Variants in OSGIN1 observed in about 807,000 individuals in gnomAD.
The protein encoded by OSGIN1 is oxidative stress induced growth inhibitor 1, also known as oxidative stress-induced growth inhibitor 1.
OSGIN1 carries 19 observed loss-of-function variants against 20.1 expected under a neutral mutation model. The ratio of observed to expected loss-of-function variants is 0.95; its 90% CI spans 0.66 to 1.39. The LOEUF (loss-of-function observed/expected upper bound fraction) is 1.39. Ranked by LOEUF, OSGIN1 falls within the 40% of genes most tolerant of loss-of-function variation. OSGIN1 has a pLI of 0.00. For synonymous variants in OSGIN1, 368 were observed against 297.8 expected (o/e 1.24, Z -2.43); for missense variants, 820 against 653.0 (o/e 1.26, Z -2.79).
intron 1 of OSGIN1, among the ~76,000 whole-genome samples, chr16:83,955,150 G>C (rs1908865602): frequency 6.6e-6 from 1 of 152,202 alleles, no homozygotes; most frequent in Non-Finnish European, 1.5e-5. Flanking sequence ...CCCAGTGGCT[G>C]CTGTTCCCGG....
chr16:83,962,830 C>T (rs918471185), intron 5 of OSGIN1, among the ~76,000 whole-genome samples: 4 of 152,210 alleles, frequency 2.6e-5, no homozygotes, highest in Non-Finnish European at 5.9e-5. Context: ...GTGCATTTAT[C>T]TCAGTGGGCA....
In OSGIN1 at chr16:83,965,362, C is replaced by A; in HGVS notation, c.789C>A (p.Pro263=). Residue 263 remains proline, a synonymous_variant, in exon 6 of 6, where the codon CCC becomes CCA. Coordinates refer to ENST00000393306, the MANE Select transcript of OSGIN1 (RefSeq NM_182981.3). ...ARLGIPGEAL[P]FIHHELSALE... ...TGGGCATCCCCGGGGAGGCCCTGCC[C>A]TTCATCCACCATGAGCTGTCTGCCC... The A allele has an allele frequency of 6.4e-7, 1 of 1,571,430 alleles. No homozygotes were observed. The highest frequency in any genetic ancestry group is 8.6e-7 in the Non-Finnish European group (1 of 1,161,282).
intron 1 of OSGIN1, among the ~76,000 whole-genome samples, chr16:83,956,085 G>T (rs1376057544): frequency 2.0e-5 from 3 of 152,210 alleles, no homozygotes; most frequent in Non-Finnish European, 2.9e-5. Flanking sequence ...TGCTGAGCGG[G>T]CTGGACGCTA....
intron 3 of OSGIN1, among the ~76,000 whole-genome samples, 171 bp downstream of exon 3, chr16:83,959,567 C>T (rs1316935596): frequency 6.6e-6 from 1 of 152,172 alleles, no homozygotes; most frequent in Admixed American, 6.5e-5. Flanking sequence ...AATCAGAGAC[C>T]CACAAATGCC....
At position 83,961,587 on chromosome 16, in the gene OSGIN1, G is replaced by C. The variant is rs575812134; in HGVS notation, c.488+515G>C. Among the ~76,000 whole-genome samples, 4 of 152,326 alleles carry C rather than the reference G, an allele frequency of 2.6e-5. No individual in the cohort carries two copies. The South Asian group carries it at 8.3e-4, about 32-fold the overall frequency. On this transcript the variant is annotated intron_variant, in intron 5 of 5. Coordinates refer to ENST00000393306, the MANE Select transcript of OSGIN1 (RefSeq NM_182981.3). ...CCCCCCACAGTGAGCCCGTGAGCCA[G>C]AGGTACAGGGGCTTCAGAGTGCATC...
chr16:83,962,492 C>T (rs1225377131), intron 5 of OSGIN1, among the ~76,000 whole-genome samples: 5 of 152,188 alleles, frequency 3.3e-5, no homozygotes, highest in Non-Finnish European at 7.3e-5. Flanking sequence ...CCGCCCACCT[C>T]GGCCTCCCAA....
rs1406065324 is a variant in OSGIN1, at chr16:83,957,758, C to T, written c.67+20C>T. ...TTGTGGGTGAGTGTCAGGCCCCAGC[C>T]AGGGAGGGGCTCCGCTGAGCCTTCC... is the stretch of plus-strand genomic sequence containing the variant. On this transcript the variant is annotated intron_variant, in intron 2 of 5. Coordinates refer to ENST00000393306, the MANE Select transcript of OSGIN1 (RefSeq NM_182981.3). The T allele has an allele frequency of 8.2e-6, 12 of 1,463,986 alleles. No homozygotes were observed. The highest frequency in any genetic ancestry group is 9.4e-6 in the Non-Finnish European group (10 of 1,067,560). 90.7% of individuals were successfully genotyped at this position (1,463,986 alleles called of 1,614,324 possible). A position where few individuals can be genotyped will look rare whatever the true frequency, so the allele number is the denominator to read the frequency against.
rs1318444566 is a variant in OSGIN1 at position 83,961,082 on chromosome 16, C to T, written c.488+10C>T. 4.4e-6 allele frequency: 7 copies of T among 1,607,230 alleles called. No individual in the cohort carries two copies. In the South Asian group the frequency reaches 4.4e-5, roughly 10 times the overall value. On this transcript the variant is annotated intron_variant, in intron 5 of 5. Transcript: ENST00000393306. ...TGCAGAAGAAGCGAAGGTGAGGCCG[C>T]CCCGGAACGCCTTGGGGGACACGGA...
intron 3 of OSGIN1, 63 bp from the exon 4 acceptor site, chr16:83,960,506 C>G: frequency 2.9e-6 from 4 of 1,386,574 alleles, no homozygotes; most frequent in Non-Finnish European, 4.0e-6. Flanking sequence ...TGCCCAGCCT[C>G]AGGCTCTGGG....
At chr16:83,964,911 G>A (rs759257465) in intron 5 of OSGIN1, 151 bp from the exon 6 acceptor site, 1 of 626,310 alleles carries the variant, frequency 1.6e-6, no homozygotes, top group Non-Finnish European at 2.8e-6. Context: ...AGGAGACTGA[G>A]GCTTAGAGAG....
intron 1 of OSGIN1, 152 bp from the exon 2 acceptor site, chr16:83,957,488 C>A (rs1908986839): frequency 1.7e-6 from 1 of 589,866 alleles, no homozygotes; most frequent in Admixed American, 3.0e-5. Flanking sequence ...TGTGTGAGAG[C>A]AAGAAGGGAG....
rs1465298926 is a variant in OSGIN1, at chr16:83,965,801, G to A, written c.1228G>A (p.Ala410Thr). ...CCTCTCCTTCCTGCCTGGGGCAGGG[G>A]CTGACTTTGCAGTGGATCCTGACCA... Reference protein sequence around the residue: ...PDLSFLPGAGADFAVDPDQPL... With the variant: ...PDLSFLPGAGTDFAVDPDQPL... Residue 410 changes from alanine (A) to threonine (T), a missense_variant, in exon 6 of 6, where the codon GCT becomes ACT. Transcript: ENST00000393306. 1.2e-6 allele frequency: 2 copies of A among 1,613,036 alleles called. No homozygotes were observed.
At chr16:83,954,880 A>C in intron 1 of OSGIN1, 4 of 366,164 alleles carry the variant, frequency 1.1e-5, no homozygotes, top group Non-Finnish European at 1.1e-5. Context: ...TGAAAGAACA[A>C]AGGAGGGGCA....
intron 1 of OSGIN1, chr16:83,957,025 G>A (rs1908962907): frequency 6.6e-6 from 1 of 152,380 alleles, no homozygotes; most frequent in Non-Finnish European, 1.5e-5. Context: ...CAGCTCCTGG[G>A]GCAGGCCACA....
rs143819560 is a variant in OSGIN1, at chr16:83,957,664, C to G, written c.-8C>G. ...GGTCCGCTGCCAGCCCCAAGCCCCC[C>G]ACCAGCCATGAGCTCCTCCAGAAAG... is the stretch of plus-strand genomic sequence containing the variant. On this transcript the variant is annotated 5_prime_UTR_variant, in exon 2 of 6. Coordinates refer to ENST00000393306, the MANE Select transcript of OSGIN1 (RefSeq NM_182981.3). 5 of 1,600,762 alleles carry G rather than the reference C, an allele frequency of 3.1e-6. No homozygotes were observed. In the East Asian group the frequency reaches 6.8e-5, roughly 22 times the overall value.
intron 2 of OSGIN1, among the ~76,000 whole-genome samples, chr16:83,958,684 C>T (rs1011891126): frequency 2.6e-4 from 39 of 152,290 alleles, no homozygotes; most frequent in African/African-American, 7.5e-4. Flanking sequence ...GCCCAGGAAG[C>T]GCCACAGATG....
At chr16:83,963,142 T>C (rs570021519) in intron 5 of OSGIN1, among the ~76,000 whole-genome samples, 1 of 152,262 alleles carries the variant, frequency 6.6e-6, no homozygotes, top group African/African-American at 2.4e-5. Flanking sequence ...CCTCCAGGCC[T>C]CACTATCTCT....
rs769899215 is a variant in OSGIN1, at chr16:83,960,746, G to T, written c.382G>T (p.Gly128Trp). 23 of 1,612,954 alleles carry T rather than the reference G, an allele frequency of 1.4e-5. No individual in the cohort carries two copies. The highest frequency in any genetic ancestry group is 1.9e-5 in the Non-Finnish European group (23 of 1,179,934). The change falls in exon 4 of 6, where the codon GGG becomes TGG. Residue 128 changes from glycine to tryptophan, a missense_variant. Coordinates refer to ENST00000393306, the MANE Select transcript of OSGIN1 (RefSeq NM_182981.3). Reference sequence around the variant, plus strand: ...CGTGGTTCTGGGCCGGAACCTCCCCGGGGGAGCCTGGCACGTGAGTGGGGC... The same window carrying T: ...CGTGGTTCTGGGCCGGAACCTCCCCTGGGGAGCCTGGCACGTGAGTGGGGC... ...PHVVLGRNLP[G>W]GAWHSIEGSM...
intron 5 of OSGIN1, among the ~76,000 whole-genome samples, chr16:83,963,159 C>G (rs1207055851): frequency 6.6e-6 from 1 of 152,184 alleles, no homozygotes; most frequent in African/African-American, 2.4e-5. Flanking sequence ...CTCTTTGATG[C>G]GAAGACTCTT....
Sources: gnomAD v4.1 joint callset for allele counts (sites outside exome capture counted in the v4.1 genomes callset) on GRCh38, gnomAD v4.1.1 for gene constraint, MANE v1.5 for transcripts, NCBI Gene and HGNC (gene_info 2026-07-23, HGNC 2026-07-21) for gene names.